The following NCALD variants were observed in gnomAD, a reference collection of about 807,000 sequenced individuals.
The protein encoded by NCALD is neurocalcin-delta.
In NCALD, 10 loss-of-function variants were observed where a neutral mutation model predicts 18.6. The ratio of observed to expected loss-of-function variants is 0.54; its 90% CI spans 0.33 to 0.91. The LOEUF (loss-of-function observed/expected upper bound fraction) is 0.91. Among genes scored for constraint, NCALD ranks in the 40% least tolerant of loss-of-function variants. The pLI, the probability that NCALD is intolerant of heterozygous loss-of-function variation, is 0.03. For missense variants in NCALD, 184 were observed against 247.6 expected, an observed-to-expected ratio of 0.74 and a Z score of 1.72; for synonymous variants, 88 against 87.4, an observed-to-expected ratio of 1.01 and a Z score of -0.04.
At chr8:101,849,776 C>G (rs1179828646) in intron 4 of NCALD, among the ~76,000 whole-genome samples, 2 of 152,192 alleles carry the variant, frequency 1.3e-5, no homozygotes, top group Non-Finnish European at 1.5e-5. Flanking sequence ...CTAGCGCTAA[C>G]TTCTTTTATC....
At chr8:101,963,961 T>A (rs950484676) in intron 2 of NCALD, among the ~76,000 whole-genome samples, 5 of 152,200 alleles carry the variant, frequency 3.3e-5, no homozygotes, top group Non-Finnish European at 7.4e-5. Context: ...CCTCTTATAC[T>A]TAATGGAACT....
chr8:101,860,230 G>T (rs1365639557), intron 4 of NCALD, among the ~76,000 whole-genome samples: 1 of 152,136 alleles, frequency 6.6e-6, no homozygotes, highest in Non-Finnish European at 1.5e-5. Flanking sequence ...TTCTTAAGCT[G>T]CTGCCTCAGG....
chr8:102,099,746 C>A (rs1196961913), intron 1 of NCALD, among the ~76,000 whole-genome samples: 1 of 152,000 alleles, frequency 6.6e-6, no homozygotes, highest in African/African-American at 2.4e-5. Flanking sequence ...GAGTTTGAGA[C>A]CAGCCTGGCC....
intron 1 of NCALD, among the ~76,000 whole-genome samples, chr8:102,080,429 TATTTTACTGCAG>T (rs1277904757): frequency 6.6e-6 from 1 of 152,196 alleles, no homozygotes; most frequent in Non-Finnish European, 1.5e-5. Flanking sequence ...GCAGGCCAAG[TATTTTACTGCAG>T]ATTTTAAGTG....
upstream of NCALD, among the ~76,000 whole-genome samples, chr8:101,791,827 C>T (rs1237834189): frequency 2.0e-5 from 3 of 152,118 alleles, no homozygotes; most frequent in Non-Finnish European, 2.9e-5. Context: ...ATTGAGTAAA[C>T]AGGGCCAGTG....
intron 2 of NCALD, among the ~76,000 whole-genome samples, chr8:101,965,615 G>A (rs1202511261): frequency 2.0e-5 from 3 of 152,084 alleles, no homozygotes; most frequent in Non-Finnish European, 4.4e-5. Flanking sequence ...GACCTGTTGT[G>A]GGGTGGGGGG....
chr8:102,034,726 C>T (rs150338899), intron 1 of NCALD, among the ~76,000 whole-genome samples: 33 of 152,234 alleles, frequency 2.2e-4, no homozygotes, highest in Admixed American at 8.5e-4. Context: ...GGTTGGCTAG[C>T]GTGGGCTTCT....
intron 1 of NCALD, among the ~76,000 whole-genome samples, chr8:101,766,769 G>A (rs191813641): frequency 6.6e-6 from 1 of 152,244 alleles, no homozygotes; most frequent in African/African-American, 2.4e-5. Flanking sequence ...AGTAGAAATA[G>A]GGTATCATCA....
intron 3 of NCALD, among the ~76,000 whole-genome samples, chr8:101,888,249 T>C (rs1419141843): frequency 6.6e-6 from 1 of 152,156 alleles, no homozygotes; most frequent in East Asian, 1.9e-4. Context: ...ACAACAGTGC[T>C]TGACAATAAT....
At chr8:102,114,853 T>C (rs1229671062) in intron 1 of NCALD, among the ~76,000 whole-genome samples, 1 of 152,230 alleles carries the variant, frequency 6.6e-6, no homozygotes, top group Non-Finnish European at 1.5e-5. Flanking sequence ...CCAGGCCTCT[T>C]ACTGCCCTTG....
intron 2 of NCALD, among the ~76,000 whole-genome samples, chr8:101,991,247 C>G (rs994746764): frequency 6.6e-6 from 1 of 152,138 alleles, no homozygotes; most frequent in African/African-American, 2.4e-5. Context: ...AGAAACTATA[C>G]AGCCTTGTCA....
intron 2 of NCALD, among the ~76,000 whole-genome samples, chr8:102,001,940 C>T (rs952859128): frequency 2.6e-5 from 4 of 152,186 alleles, no homozygotes; most frequent in Non-Finnish European, 4.4e-5. Flanking sequence ...TTGTAAAGAC[C>T]ATAGAGGCTA....
intron 2 of NCALD, among the ~76,000 whole-genome samples, chr8:101,945,369 T>C (rs1819128199): frequency 6.6e-6 from 1 of 152,098 alleles, no homozygotes; most frequent in Non-Finnish European, 1.5e-5. Context: ...GGGGCTAAAA[T>C]GCGGAATGGA....
intron 4 of NCALD, among the ~76,000 whole-genome samples, chr8:101,801,104 AAG>A (rs1362561648): frequency 6.7e-6 from 1 of 150,352 alleles, no homozygotes; most frequent in African/African-American, 2.5e-5. Context: ...AGGAAAAAGA[AAG>A]AGAAAGAAAC....
At chr8:101,887,174 G>GC (rs1816706492) in exon 4 of NCALD, 1 of 152,070 alleles carries the variant, frequency 6.6e-6, no homozygotes, top group African/African-American at 2.4e-5. Context: ...GGATCTCGGG[G>GC]CCTTCCTCGG....
chr8:101,705,185 G>A (rs1815453598), intron 2 of NCALD, among the ~76,000 whole-genome samples: 1 of 151,712 alleles, frequency 6.6e-6, no homozygotes, highest in African/African-American at 2.4e-5. Context: ...TGAGTGCAGT[G>A]AGCACTCCAG....
chr8:101,867,417 G>A (rs1290039737), intron 4 of NCALD, among the ~76,000 whole-genome samples: 1 of 152,184 alleles, frequency 6.6e-6, no homozygotes, highest in Non-Finnish European at 1.5e-5. Flanking sequence ...CACAGTAGAA[G>A]CTCCATAAAT....
intron 1 of NCALD, among the ~76,000 whole-genome samples, chr8:102,067,448 AACAC>A (rs59878811): frequency 8.6e-5 from 13 of 150,802 alleles, no homozygotes; most frequent in Non-Finnish European, 8.9e-5. Context: ...TCTTGTCCCA[AACAC>A]ACACACACAC....
chr8:101,830,344 T>C (rs1459147310), intron 4 of NCALD, among the ~76,000 whole-genome samples: 1 of 152,150 alleles, frequency 6.6e-6, no homozygotes, highest in Non-Finnish European at 1.5e-5. Flanking sequence ...GCGGATCACC[T>C]GAGGTCAGGA....
Sources: gnomAD v4.1 joint callset for allele counts (sites outside exome capture counted in the v4.1 genomes callset) on GRCh38, gnomAD v4.1.1 for gene constraint, MANE v1.5 for transcripts, NCBI Gene and HGNC (gene_info 2026-07-23, HGNC 2026-07-21) for gene names.